PML: variants seen among roughly 807,000 people sequenced by gnomAD.
PML encodes protein PML.
In PML, 28 loss-of-function variants were observed where a neutral mutation model predicts 65.2. That is an observed-to-expected ratio of 0.43 (90% confidence interval 0.32 to 0.59). The LOEUF (loss-of-function observed/expected upper bound fraction) is 0.59, where lower values mean the gene tolerates loss of function less well. Among genes scored for constraint, PML ranks in the 20% least tolerant of loss-of-function variants. The probability of loss-of-function intolerance (pLI) is 0.08; values close to 1 mark genes in which losing one functional copy is unlikely to be tolerated. For synonymous variants in PML, 500 were observed against 508.8 expected (o/e 0.98, Z 0.23); for missense variants, 1,021 against 1,203.4 (o/e 0.85, Z 2.24).
At position 74,035,193 on chromosome 15, in the gene PML, G is replaced by A. The variant is rs144559886; in HGVS notation, c.1710+663G>A. 46 of 1,400,892 alleles carry A rather than the reference G, an allele frequency of 3.3e-5. No homozygotes were observed. Among genetic ancestry groups the A allele is most frequent in the Non-Finnish European group, 4.2e-5 (41 of 986,494 alleles). The allele number at this position is 1,400,892 out of a possible 1,614,324, so 86.8% of individuals were successfully genotyped here. A position where few individuals can be genotyped will look rare whatever the true frequency, so the allele number is the denominator to read the frequency against. ...AAAGTGCATGGAGCCCATGGAGACC[G>A]CCGAGCCACAGTCCTCGCCAGCCCA... On this transcript the variant is annotated intron_variant, in intron 7 of 8. Coordinates refer to ENST00000268058, the MANE Select transcript of PML (RefSeq NM_033238.3). The surrounding 1 kb of genome is among the most constrained non-coding windows in gnomAD (Gnocchi z 4.1).
chr15:73,997,030 C>T (rs998614332), intron 1 of PML, among the ~76,000 whole-genome samples: 5 of 152,204 alleles, frequency 3.3e-5, no homozygotes, highest in Non-Finnish European at 5.9e-5. Context: ...AGGGTGGGAG[C>T]GGCTAGAGCA....
intron 7 of PML, chr15:74,036,012 T>G: frequency 6.2e-7 from 1 of 1,614,084 alleles, no homozygotes; most frequent in Non-Finnish European, 8.5e-7. Context: ...CTGAGCTGCC[T>G]CCTCCAGCCC....
chr15:74,035,007 C>T lies in PML; in HGVS notation c.1710+477C>T, dbSNP rs1016063122. On this transcript the variant is annotated intron_variant, in intron 7 of 8. Transcript: ENST00000268058. This position sits in a 1 kb window ranked among gnomAD's most constrained non-coding sequence, Gnocchi z 4.1. ...TATATAAATCCATTCCACAGTGAAA[C>T]AGGTGGCCTCGTGGGTAGTGACCCT... 14 of 1,532,414 alleles carry T rather than the reference C, an allele frequency of 9.1e-6. 1 individual carries two copies. In the South Asian group the frequency reaches 1.7e-4, roughly 18 times the overall value. The allele number at this position is 1,532,414 out of a possible 1,614,324, so 94.9% of individuals were successfully genotyped here.
Position 74,037,118 on chromosome 15 carries a change from G to C in PML, c.1710+2588G>C. The stretch of plus-strand genomic sequence containing the variant: ...AAACTATGAGTGGTTGCCTGTGACT[G>C]CTAAGGGCTCCTTGGTGCTCCGCCC... On this transcript the variant is annotated intron_variant, in intron 7 of 8. Coordinates refer to ENST00000268058, the MANE Select transcript of PML (RefSeq NM_033238.3). This position sits in a 1 kb window ranked among gnomAD's most constrained non-coding sequence, Gnocchi z 4.2. 1 of 985,430 alleles carries C rather than the reference G, an allele frequency of 1.0e-6. No homozygotes were observed. Among genetic ancestry groups the C allele is most frequent in the Non-Finnish European group, 1.2e-6 (1 of 829,930 alleles). 61.0% of individuals were successfully genotyped at this position (985,430 alleles called of 1,614,324 possible).
At position 73,994,895 on chromosome 15, in the gene PML, C is replaced by T. The variant is rs201524800; in HGVS notation, c.83C>T (p.Thr28Ile). The T allele has an allele frequency of 4.5e-4, 694 of 1,546,630 alleles. 1 individual carries two copies. The highest frequency in any genetic ancestry group is 3.3e-4 in the Non-Finnish European group (376 of 1,142,516). The change falls in exon 1 of 9, where the codon ACC (threonine) becomes ATC (isoleucine). Residue 28 changes from threonine to isoleucine, a missense_variant. Thr to Ile is a moderately conservative substitution (Grantham distance 89). Coordinates refer to ENST00000268058, the MANE Select transcript of PML (RefSeq NM_033238.3). The part of the protein sequence containing the change: ...PQEPTMPPPE[T>I]PSEGRQPSPS... Reference sequence around the variant, plus strand: ...GAGCCCACCATGCCTCCCCCCGAGACCCCCTCTGAAGGCCGCCAGCCCAGC... The same window carrying T: ...GAGCCCACCATGCCTCCCCCCGAGATCCCCTCTGAAGGCCGCCAGCCCAGC...
At chr15:74,011,876 G>A (rs906214826) in intron 2 of PML, among the ~76,000 whole-genome samples, 4 of 152,182 alleles carry the variant, frequency 2.6e-5, no homozygotes, top group African/African-American at 9.7e-5. Context: ...TTTCCTGATT[G>A]CAGAATGGGT....
intron 2 of PML, among the ~76,000 whole-genome samples, chr15:74,019,937 A>G (rs1203765516): frequency 6.6e-6 from 1 of 152,208 alleles, no homozygotes; most frequent in African/African-American, 2.4e-5. Context: ...TGTGAGGGAC[A>G]CGTGGGTGGC....
At chr15:74,029,140 G>C (rs8027447) in intron 4 of PML, among the ~76,000 whole-genome samples, 82,967 of 151,786 alleles carry the variant, frequency 0.55, 22,936 homozygotes, top group East Asian at 0.64. Flanking sequence ...TAAAAGTTTC[G>C]ACTTCTCTAC....
intron 2 of PML, among the ~76,000 whole-genome samples, chr15:74,015,276 A>G (rs369124228): frequency 1.3e-5 from 2 of 152,184 alleles, no homozygotes; most frequent in South Asian, 4.1e-4. Context: ...TGTTTTTTCA[A>G]TGGTGAGATA....
chr15:73,998,346 T>C lies in PML; in HGVS notation c.472T>C (p.Phe158Leu). ...CAAGTGCTTCGAGGCACACCAGTGG[T>C]TCCTCAAGCACGAGGCCCGGCCCCT... ...CAKCFEAHQW[F>L]LKHEARPLAE... Residue 158 changes from phenylalanine (F) to leucine (L), a missense_variant, in exon 2 of 9, where the codon TTC becomes CTC. Transcript: ENST00000268058. The C allele has an allele frequency of 6.2e-7, 1 of 1,614,132 alleles. No homozygotes were observed. The highest frequency in any genetic ancestry group is 8.5e-7 in the Non-Finnish European group (1 of 1,180,010).
chr15:74,007,024 T>G (rs1293563033), intron 2 of PML, among the ~76,000 whole-genome samples: 2 of 152,222 alleles, frequency 1.3e-5, no homozygotes, highest in Non-Finnish European at 2.9e-5. Flanking sequence ...GAGGTCACAC[T>G]TCAACATGAG....
In PML at chr15:74,037,476, A is replaced by G; in HGVS notation, c.1710+2946A>G. On this transcript the variant is annotated intron_variant, in intron 7 of 8. Transcript: ENST00000268058. The surrounding 1 kb of genome is among the most constrained non-coding windows in gnomAD (Gnocchi z 4.2). Reference sequence around the variant, plus strand: ...CTGCCTTCTGAACTAAACACCCTGAATGAGGTCTTTCTCATCTCAGAAAAC... The same window carrying G: ...CTGCCTTCTGAACTAAACACCCTGAGTGAGGTCTTTCTCATCTCAGAAAAC... 1.0e-6 allele frequency: 1 copy of G among 985,150 alleles called. No individual in the cohort carries two copies. The allele number at this position is 985,150 out of a possible 1,614,324, so 61.0% of individuals were successfully genotyped here.
At chr15:74,027,113 C>T (rs1044727604) in intron 4 of PML, 5 of 152,174 alleles carry the variant, frequency 3.3e-5, no homozygotes, top group Non-Finnish European at 1.5e-5. Flanking sequence ...AGGTAGAGAG[C>T]TTCCCGATAC....
At chr15:74,040,672 T>G (rs2071675857) in intron 7 of PML, among the ~76,000 whole-genome samples, 1 of 152,218 alleles carries the variant, frequency 6.6e-6, no homozygotes, top group Admixed American at 6.5e-5. Flanking sequence ...GGTTTACAGC[T>G]GGCTGGAGTT....
intron 2 of PML, among the ~76,000 whole-genome samples, chr15:74,020,099 T>A (rs919558364): frequency 6.6e-6 from 1 of 152,236 alleles, no homozygotes; most frequent in Non-Finnish European, 1.5e-5. Flanking sequence ...ATTGCCAAAT[T>A]GCCTTCTGTA....
At chr15:74,026,952 C>T (rs1171898277) in intron 4 of PML, 2 of 152,198 alleles carry the variant, frequency 1.3e-5, no homozygotes, top group Non-Finnish European at 2.9e-5. Context: ...CGTGCCCCAC[C>T]TCTTTTTTAA....
intron 2 of PML, among the ~76,000 whole-genome samples, chr15:74,007,082 G>A (rs988979170): frequency 2.0e-5 from 3 of 152,200 alleles, no homozygotes; most frequent in Admixed American, 1.3e-4. Flanking sequence ...TTGTTTGTGC[G>A]GGCCTACTTG....
In PML at chr15:74,036,795, G is replaced by A. The variant is rs371418804; in HGVS notation, c.1710+2265G>A. On this transcript the variant is annotated intron_variant, in intron 7 of 8. Coordinates refer to ENST00000268058, the MANE Select transcript of PML (RefSeq NM_033238.3). ...TGCCCGCCACTCCTTAACCTCTCAG[G>A]GGTTGTCACCCCATTCCCCCAGACA... is the stretch of plus-strand genomic sequence containing the variant. Among the ~76,000 whole-genome samples the A allele has an allele frequency of 8.1e-4, 123 of 152,232 alleles. 2 individuals carry two copies. In the South Asian group the frequency reaches 0.025, roughly 31 times the overall value.
chr15:74,010,532 A>G (rs56331999), intron 2 of PML, among the ~76,000 whole-genome samples: 11 of 129,422 alleles, frequency 8.5e-5, no homozygotes, highest in South Asian at 5.1e-4. Context: ...AAAAAAAAAA[A>G]AAAAGAAATT....
Sources: gnomAD v4.1 joint callset for allele counts (sites outside exome capture counted in the v4.1 genomes callset) on GRCh38, gnomAD v4.1.1 for gene constraint, Gnocchi (gnomAD v3.1) non-coding constraint, MANE v1.5 for transcripts, NCBI Gene and HGNC (gene_info 2026-07-23, HGNC 2026-07-21) for gene names.